KIAA0753: variants seen among roughly 807,000 people sequenced by gnomAD.
KIAA0753 encodes the protein protein moonraker.
Under a neutral mutation model 116.9 loss-of-function variants are expected in KIAA0753, and 114 were observed. That is an observed-to-expected ratio of 0.98 (90% CI 0.84 to 1.14). KIAA0753 has a LOEUF of 1.14. Ranked by LOEUF, KIAA0753 falls within the 50% of genes most tolerant of loss-of-function variation. The pLI is 0.00. For synonymous variants in KIAA0753, 405 were observed against 413.1 expected (o/e 0.98, Z 0.24); for missense variants, 1,156 against 1,172.4 (o/e 0.99, Z 0.20).
At chr17:6,617,840 C>A (rs1025737235) in intron 7 of KIAA0753, among the ~76,000 whole-genome samples, 1 of 152,216 alleles carries the variant, frequency 6.6e-6, no homozygotes, top group African/African-American at 2.4e-5. Context: ...CAGTGGCTCA[C>A]GCCTGTAATC....
intron 2 of KIAA0753, chr17:6,634,796 T>C (rs1292966668): frequency 6.2e-6 from 3 of 486,086 alleles, no homozygotes; most frequent in Admixed American, 3.2e-5. Context: ...AGAAGTATTC[T>C]CAAATATTTA....
In KIAA0753 at chr17:6,578,177, T is replaced by C. The variant is rs1597438317; in HGVS notation, c.*1570A>G. 2 of 151,890 alleles carry C rather than the reference T, an allele frequency of 1.3e-5. No homozygotes were observed. The highest frequency in any genetic ancestry group is 4.2e-4 in the South Asian group (2 of 4,814). The allele number at this position is 151,890 out of a possible 1,614,324, so 9.4% of individuals were successfully genotyped here. A position where few individuals can be genotyped will look rare whatever the true frequency, so the allele number is the denominator to read the frequency against. The stretch of plus-strand genomic sequence containing the variant: ...GCTCAATAAATGTTAGCTTTTATTG[T>C]CACTAATTTTTTTCTCGGGGGGAAG... On this transcript the variant is annotated 3_prime_UTR_variant, in exon 19 of 19. Coordinates refer to ENST00000361413, the MANE Select transcript of KIAA0753 (RefSeq NM_014804.3).
chr17:6,609,992 A>G lies in KIAA0753; in HGVS notation c.1712+2T>C. ...CAAACGGTCCCTTGAGTTTTCACAT[A>G]CCATTTAGGAGACGCTGGTGGGGAT... On this transcript the variant is annotated splice_donor_variant, in intron 9 of 18. Coordinates refer to ENST00000361413, the MANE Select transcript of KIAA0753 (RefSeq NM_014804.3). LOFTEE classifies it high-confidence loss of function. 6.2e-7 allele frequency: 1 copy of G among 1,613,754 alleles called. No individual in the cohort carries two copies. Among genetic ancestry groups the G allele is most frequent in the Non-Finnish European group, 8.5e-7 (1 of 1,179,782 alleles).
intron 18 of KIAA0753, among the ~76,000 whole-genome samples, chr17:6,589,182 AG>A (rs1567537272): frequency 1.3e-5 from 2 of 151,930 alleles, no homozygotes; most frequent in African/African-American, 4.8e-5. Flanking sequence ...GGCCTTTGGG[AG>A]ATAATTAGGT....
At chr17:6,608,254 T>A (rs1970316309) in intron 10 of KIAA0753, 94 bp downstream of exon 10, 3 of 525,096 alleles carry the variant, frequency 5.7e-6, no homozygotes, top group Non-Finnish European at 9.9e-6. Flanking sequence ...AATAACCAAC[T>A]TTAAATGTAG....
At chr17:6,634,714 T>G (rs1597611694) in intron 2 of KIAA0753, 1 of 233,280 alleles carries the variant, frequency 4.3e-6, no homozygotes, top group East Asian at 8.5e-5. Flanking sequence ...ACAGGGAATT[T>G]TTTGGGTCCA....
At chr17:6,589,219 T>C (rs2150743804) in intron 18 of KIAA0753, among the ~76,000 whole-genome samples, 1 of 152,068 alleles carries the variant, frequency 6.6e-6, no homozygotes, top group African/African-American at 2.4e-5. Flanking sequence ...AGGGTGGAGG[T>C]CCCTCAATGG....
At chr17:6,612,312 C>T (rs984231052) in intron 7 of KIAA0753, among the ~76,000 whole-genome samples, 164 bp from the exon 8 acceptor site, 1 of 152,220 alleles carries the variant, frequency 6.6e-6, no homozygotes, top group Admixed American at 6.5e-5. Flanking sequence ...AATATTACTG[C>T]AGGTTTATAA....
chr17:6,613,150 C>CA (rs1970665752), intron 7 of KIAA0753, among the ~76,000 whole-genome samples: 1 of 151,856 alleles, frequency 6.6e-6, no homozygotes, highest in African/African-American at 2.4e-5. Context: ...CTCCATATAT[C>CA]AAAATAACTA....
chr17:6,591,065 G>T (rs1444403837), intron 16 of KIAA0753, among the ~76,000 whole-genome samples: 4 of 80,766 alleles, frequency 5.0e-5, no homozygotes, highest in Non-Finnish European at 9.3e-5. Flanking sequence ...AGAAGAAGAA[G>T]AAGAAGAAGA....
intron 16 of KIAA0753, among the ~76,000 whole-genome samples, chr17:6,591,436 TCA>T (rs1172784704): frequency 6.6e-6 from 1 of 152,182 alleles, no homozygotes; most frequent in Non-Finnish European, 1.5e-5. Context: ...TCAATTGTTC[TCA>T]GAGGGGATAA....
rs868639468 is a variant in KIAA0753 at position 6,624,781 on chromosome 17, G to A, written c.799C>T (p.Arg267Ter). The A allele has an allele frequency of 1.7e-5, 27 of 1,561,002 alleles. No homozygotes were observed. Among genetic ancestry groups the A allele is most frequent in the Non-Finnish European group, 2.3e-5 (26 of 1,150,872 alleles). ...RRQEQAARSA[R>*]MLYVLQQQVK... ...TGCTGCTGGAGGACGTAGAGCATTC[G>A]GGCAGAGCGAGCAGCTTGCTCCTGT... Residue 267 changes from arginine (R) to a stop codon, truncating the protein, a stop_gained, in exon 4 of 19, where the codon CGA becomes TGA. Transcript: ENST00000361413. LOFTEE classifies it high-confidence loss of function.
At chr17:6,606,742 G>A (rs560935910) in intron 12 of KIAA0753, 131 bp downstream of exon 12, 29 of 668,344 alleles carry the variant, frequency 4.3e-5, no homozygotes, top group Admixed American at 7.2e-5. Context: ...TAATATACAG[G>A]TAGACATGCA....
chr17:6,623,458 G>T (rs1467063891), intron 5 of KIAA0753, 51 bp downstream of exon 5: 4 of 1,449,244 alleles, frequency 2.8e-6, no homozygotes, highest in South Asian at 1.2e-5. Flanking sequence ...ACAAAACACT[G>T]GGAAATGTCA....
chr17:6,635,232 AAC>A, intron 1 of KIAA0753, 61 bp from the exon 2 acceptor site: 1 of 665,422 alleles, frequency 1.5e-6, no homozygotes. Flanking sequence ...GAACAGATAA[AAC>A]ACAGTGCCAT....
intron 18 of KIAA0753, among the ~76,000 whole-genome samples, chr17:6,584,942 C>T (rs1968455787): frequency 6.6e-6 from 1 of 151,894 alleles, no homozygotes; most frequent in Non-Finnish European, 1.5e-5. Flanking sequence ...ACTGGGACTA[C>T]AGGCATGTAC....
At chr17:6,634,019 T>C (rs557785745) in intron 2 of KIAA0753, among the ~76,000 whole-genome samples, 6 of 151,846 alleles carry the variant, frequency 4.0e-5, no homozygotes, top group African/African-American at 1.4e-4. Context: ...ATGTACACAT[T>C]GCAATGTGTA....
At position 6,595,031 on chromosome 17, in the gene KIAA0753, T is replaced by C; in HGVS notation, c.2381A>G (p.Gln794Arg). The C allele has an allele frequency of 6.2e-7, 1 of 1,610,682 alleles. No homozygotes were observed. Among genetic ancestry groups the C allele is most frequent in the South Asian group, 1.1e-5 (1 of 90,480 alleles). ...AGCATATGCGATTTTATTATATCTT[T>C]GACGAACAGACTCCTGGTATTTCTT... The part of the protein sequence containing the change: ...EMEKYQESVR[Q>R]RYNKIAYADP... Residue 794 changes from glutamine to arginine, a missense_variant, in exon 16 of 19, where the codon CAA (glutamine) becomes CGA (arginine). Gln to Arg is a conservative substitution (Grantham distance 43). Coordinates refer to ENST00000361413, the MANE Select transcript of KIAA0753 (RefSeq NM_014804.3).
Position 6,612,161 on chromosome 17 carries a change from T to G in KIAA0753, c.1316-13A>C. 6.3e-7 allele frequency: 1 copy of G among 1,588,120 alleles called. No homozygotes were observed. Among genetic ancestry groups the G allele is most frequent in the Non-Finnish European group, 8.6e-7 (1 of 1,165,246 alleles). ...GGCTGATACTTATCTACATGGAAAT[T>G]TTTGAAAAACAAACTGAGGAAAATG... is the stretch of plus-strand genomic sequence containing the variant. On this transcript the variant is annotated splice_polypyrimidine_tract_variant and intron_variant, in intron 7 of 18. Transcript: ENST00000361413.
Sources: allele counts gnomAD v4.1 joint callset (sites outside exome capture counted in the v4.1 genomes callset), GRCh38; gene constraint gnomAD v4.1.1; transcripts MANE v1.5; gene names NCBI Gene and HGNC (gene_info 2026-07-23, HGNC 2026-07-21).